Variants in KCNQ1 observed in about 807,000 individuals in gnomAD.
KCNQ1 encodes potassium voltage-gated channel subfamily KQT member 1.
A neutral mutation model predicts 72.4 loss-of-function variants in KCNQ1; 49 were observed. The ratio of observed to expected loss-of-function variants is 0.68; its 90% CI spans 0.54 to 0.86. The LOEUF (loss-of-function observed/expected upper bound fraction) is 0.86, where lower values mean the gene tolerates loss of function less well. Among genes scored for constraint, KCNQ1 ranks in the 40% least tolerant of loss-of-function variants. KCNQ1 has a pLI of 0.00. For missense variants in KCNQ1, 790 were observed against 945.1 expected, an observed-to-expected ratio of 0.84 and a Z score of 2.15; for synonymous variants, 450 against 412.6, an observed-to-expected ratio of 1.09 and a Z score of -1.10.
chr11:2,661,843 G>A lies in KCNQ1; in HGVS notation c.1394-118G>A. ...ACTATAAAACTGATTGTCAGGGCTG[G>A]AGCTTCCAGGCACAAGCTCCACTCC... On this transcript the variant is annotated intron_variant, in intron 10 of 15. Transcript: ENST00000155840. The surrounding 1 kb of genome is among the most constrained non-coding windows in gnomAD (Gnocchi z 5.9). 7.5e-7 allele frequency: 1 copy of A among 1,334,640 alleles called. No homozygotes were observed. The highest frequency in any genetic ancestry group is 1.1e-6 in the Non-Finnish European group (1 of 933,814). 82.7% of individuals were successfully genotyped at this position (1,334,640 alleles called of 1,614,324 possible).
Position 2,654,198 on chromosome 11 carries a change from T to G in KCNQ1, c.1394-7763T>G, listed in dbSNP as rs1849801348. 2 of 398,656 alleles carry G rather than the reference T, an allele frequency of 5.0e-6. No individual in the cohort carries two copies. Among genetic ancestry groups the G allele is most frequent in the Non-Finnish European group, 8.8e-6 (2 of 226,200 alleles). 24.7% of individuals were successfully genotyped at this position (398,656 alleles called of 1,614,324 possible). A position where few individuals can be genotyped will look rare whatever the true frequency, so the allele number is the denominator to read the frequency against. ...AGGCTGTGGGGCTGCGGCTCAGCAATGTCACGCAGGGCCTGGCTGCAGCTG... is the reference window on the plus strand; with the variant it reads ...AGGCTGTGGGGCTGCGGCTCAGCAAGGTCACGCAGGGCCTGGCTGCAGCTG... On this transcript the variant is annotated intron_variant, in intron 10 of 15. Transcript: ENST00000155840. The surrounding 1 kb of genome is among the most constrained non-coding windows in gnomAD (Gnocchi z 6.4).
At chr11:2,749,198 T>C (rs1158400233) in intron 11 of KCNQ1, among the ~76,000 whole-genome samples, 2 of 152,140 alleles carry the variant, frequency 1.3e-5, no homozygotes, top group South Asian at 2.1e-4. Flanking sequence ...AGCACCCCAG[T>C]AGGGAGGATG....
rs1344766771 is a variant in KCNQ1, at chr11:2,608,618, C to T, written c.1393+19764C>T. The T allele has an allele frequency of 6.8e-5, 27 of 398,422 alleles. No individual in the cohort carries two copies. The highest frequency in any genetic ancestry group is 1.1e-4 in the Non-Finnish European group (24 of 226,070). 24.7% of individuals were successfully genotyped at this position (398,422 alleles called of 1,614,324 possible). A position where few individuals can be genotyped will look rare whatever the true frequency, so the allele number is the denominator to read the frequency against. On this transcript the variant is annotated intron_variant, in intron 10 of 15. Transcript: ENST00000155840. The surrounding 1 kb of genome is among the most constrained non-coding windows in gnomAD (Gnocchi z 4.6). Reference sequence around the variant, plus strand: ...AGCCTATGACAGGTGTGCACCACAACACCAGCTGTTATTCAAAAAATATTT... The same window carrying T: ...AGCCTATGACAGGTGTGCACCACAATACCAGCTGTTATTCAAAAAATATTT...
intron 1 of KCNQ1, among the ~76,000 whole-genome samples, chr11:2,503,375 A>G (rs1301911529): frequency 6.6e-6 from 1 of 152,170 alleles, no homozygotes; most frequent in Non-Finnish European, 1.5e-5. Context: ...CTGAATAGAC[A>G]TTTCTCGAAA....
chr11:2,796,391 T>C (rs1288816432), intron 15 of KCNQ1, among the ~76,000 whole-genome samples: 1 of 152,220 alleles, frequency 6.6e-6, no homozygotes, highest in Non-Finnish European at 1.5e-5. Context: ...TGGGCATTGA[T>C]GGCAGGGTGG....
intron 10 of KCNQ1, chr11:2,633,111 A>T: frequency 2.5e-6 from 1 of 398,482 alleles, no homozygotes; most frequent in East Asian, 3.6e-5. Context: ...AGCCATTCTA[A>T]CTGAGGTGAA....
At position 2,725,340 on chromosome 11, in the gene KCNQ1, C is replaced by A. The variant is rs140362337; in HGVS notation, c.1515-43504C>A. The stretch of plus-strand genomic sequence containing the variant: ...GAAATGTTCCCAGCTTTTTTGAGTT[C>A]GTGAGTGGCTGGTGGATACTTAGTG... On this transcript the variant is annotated intron_variant, in intron 11 of 15. Coordinates refer to ENST00000155840, the MANE Select transcript of KCNQ1 (RefSeq NM_000218.3). This position sits in a 1 kb window ranked among gnomAD's most constrained non-coding sequence, Gnocchi z 7.2. Among the ~76,000 whole-genome samples, 730 of 152,274 alleles carry A rather than the reference C, an allele frequency of 4.8e-3. 27 individuals carry two copies. The highest frequency in any genetic ancestry group is 0.046 in the Admixed American group (700 of 15,300).
In KCNQ1 at chr11:2,544,530, G is replaced by A. The variant is rs1022399746; in HGVS notation, c.477+16512G>A. Among the ~76,000 whole-genome samples the A allele has an allele frequency of 2.0e-5, 3 of 151,840 alleles. No individual in the cohort carries two copies. Among genetic ancestry groups the A allele is most frequent in the African/African-American group, 7.3e-5 (3 of 41,342 alleles). ...ATTTAGATTTTTAACTTCTGTCAGA[G>A]ATGTTTCATAGTTTTTAGTGTATAG... is the stretch of plus-strand genomic sequence containing the variant. On this transcript the variant is annotated intron_variant, in intron 2 of 15. Coordinates refer to ENST00000155840, the MANE Select transcript of KCNQ1 (RefSeq NM_000218.3). This position sits in a 1 kb window ranked among gnomAD's most constrained non-coding sequence, Gnocchi z 4.4.
chr11:2,627,231 A>T lies in KCNQ1; in HGVS notation c.1394-34730A>T, dbSNP rs1849275370. 2.5e-6 allele frequency: 1 copy of T among 398,456 alleles called. No homozygotes were observed. The highest frequency in any genetic ancestry group is 4.4e-6 in the Non-Finnish European group (1 of 226,064). The allele number at this position is 398,456 out of a possible 1,614,324, so 24.7% of individuals were successfully genotyped here. On this transcript the variant is annotated intron_variant, in intron 10 of 15. Coordinates refer to ENST00000155840, the MANE Select transcript of KCNQ1 (RefSeq NM_000218.3). This position sits in a 1 kb window ranked among gnomAD's most constrained non-coding sequence, Gnocchi z 4.9. ...CAAATTAAAAGTGCATATATTTAAG[A>T]ACATATTTGACCTACTGTGAAATGA...
At chr11:2,685,239 C>A (rs998744060) in intron 11 of KCNQ1, 3 of 398,550 alleles carry the variant, frequency 7.5e-6, no homozygotes, top group African/African-American at 6.2e-5. Context: ...CTTCAGTCCT[C>A]CCATTACCAA....
In KCNQ1 at chr11:2,721,318, AC is replaced by A. The variant is rs1293740713; in HGVS notation, c.1515-47521del. On this transcript the variant is annotated intron_variant, in intron 11 of 15. Transcript: ENST00000155840. ...ACCCGCAGGGGTCTGCTCGTGAGGG[AC>A]CCCCGGGCCTCTGCAGCCTTTGTTC... 2.6e-5 allele frequency among the ~76,000 whole-genome samples: 4 copies of A among 151,838 alleles called. No homozygotes were observed. In the East Asian group the frequency reaches 7.8e-4, roughly 30 times the overall value.
chr11:2,786,865 A>T (rs1846923934), intron 15 of KCNQ1, among the ~76,000 whole-genome samples: 1 of 150,904 alleles, frequency 6.6e-6, no homozygotes, highest in Non-Finnish European at 1.5e-5. Context: ...TCTTAATTCC[A>T]GTATCTAAAG....
intron 2 of KCNQ1, among the ~76,000 whole-genome samples, chr11:2,546,400 T>A (rs938695938): frequency 6.6e-6 from 1 of 152,154 alleles, no homozygotes; most frequent in Non-Finnish European, 1.5e-5. Context: ...TTGGAAAGAG[T>A]GTGTACTGCT....
At chr11:2,701,751 A>G (rs997436388) in intron 11 of KCNQ1, among the ~76,000 whole-genome samples, 5 of 152,130 alleles carry the variant, frequency 3.3e-5, no homozygotes, top group African/African-American at 9.7e-5. Context: ...CTTGACATCC[A>G]AAGGATCACA....
At chr11:2,719,235 A>C (rs923569315) in intron 11 of KCNQ1, among the ~76,000 whole-genome samples, 21 of 151,738 alleles carry the variant, frequency 1.4e-4, no homozygotes, top group African/African-American at 4.8e-4. Flanking sequence ...GTGCTGGCTA[A>C]AGCCATTATC....
rs371580920 is a variant in KCNQ1 at position 2,848,899 on chromosome 11, TGTG to T, written c.*900_*902del. On this transcript the variant is annotated 3_prime_UTR_variant, in exon 16 of 16. Coordinates refer to ENST00000155840, the MANE Select transcript of KCNQ1 (RefSeq NM_000218.3). ...TTACATCGCATAGAAATCAATAATT[TGTG>T]GTGATTTGGATCTGTGTTTTAATGA... 80 of 454,126 alleles carry T rather than the reference TGTG, an allele frequency of 1.8e-4. No homozygotes were observed. Among genetic ancestry groups the T allele is most frequent in the African/African-American group, 1.5e-3 (75 of 50,128 alleles). 28.1% of individuals were successfully genotyped at this position (454,126 alleles called of 1,614,324 possible). A position where few individuals can be genotyped will look rare whatever the true frequency, so the allele number is the denominator to read the frequency against.
At chr11:2,733,761 G>A (rs1045161793) in intron 11 of KCNQ1, among the ~76,000 whole-genome samples, 1 of 137,136 alleles carries the variant, frequency 7.3e-6, no homozygotes, top group Admixed American at 7.6e-5. Context: ...GCAGGAGGGG[G>A]ACTTCAGGCC....
rs1325741502 is a variant in KCNQ1, at chr11:2,478,921, A to G, written c.386+33437A>G. ...ATTAGGGTACAGGCCTTGGATAAAT[A>G]CACCCATTTGAAATGGGAGTAATTG... On this transcript the variant is annotated intron_variant, in intron 1 of 15. Coordinates refer to ENST00000155840, the MANE Select transcript of KCNQ1 (RefSeq NM_000218.3). The surrounding 1 kb of genome is among the most constrained non-coding windows in gnomAD (Gnocchi z 4.0). Among the ~76,000 whole-genome samples the G allele has an allele frequency of 6.6e-6, 1 of 152,232 alleles. No individual in the cohort carries two copies. Among genetic ancestry groups the G allele is most frequent in the Non-Finnish European group, 1.5e-5 (1 of 68,040 alleles).
rs1488281832 is a variant in KCNQ1 at position 2,457,254 on chromosome 11, C to T, written c.386+11770C>T. On this transcript the variant is annotated intron_variant, in intron 1 of 15. Coordinates refer to ENST00000155840, the MANE Select transcript of KCNQ1 (RefSeq NM_000218.3). This position sits in a 1 kb window ranked among gnomAD's most constrained non-coding sequence, Gnocchi z 5.0. ...GGCAGTTTGGAGATTTCCCAAAGAA[C>T]CAAGAGTTGAACTACCATTCGATCC... 1.3e-5 allele frequency among the ~76,000 whole-genome samples: 2 copies of T among 152,234 alleles called. No individual in the cohort carries two copies. The highest frequency in any genetic ancestry group is 1.9e-4 in the East Asian group (1 of 5,178).
Sources: gnomAD v4.1 joint callset for allele counts (sites outside exome capture counted in the v4.1 genomes callset) on GRCh38, gnomAD v4.1.1 for gene constraint, Gnocchi (gnomAD v3.1) non-coding constraint, MANE v1.5 for transcripts, NCBI Gene and HGNC (gene_info 2026-07-23, HGNC 2026-07-21) for gene names.